Variants in PLCE1 observed in about 807,000 individuals in gnomAD.
PLCE1 encodes phospholipase C epsilon 1, also known as 1-phosphatidylinositol 4,5-bisphosphate phosphodiesterase epsilon-1.
PLCE1 carries 119 observed loss-of-function variants against 242.8 expected under a neutral mutation model. The ratio of observed to expected loss-of-function variants is 0.49; its 90% CI spans 0.42 to 0.57. The LOEUF (loss-of-function observed/expected upper bound fraction) is 0.57. Among genes scored for constraint, PLCE1 ranks in the 20% least tolerant of loss-of-function variants. PLCE1 has a pLI of 0.00. For synonymous variants in PLCE1, 945 were observed against 1,017.4 expected (o/e 0.93, Z 1.35); for missense variants, 2,441 against 2,788.8 (o/e 0.88, Z 2.81).
chr10:93,998,821 G>C (rs1043098829), intron 1 of PLCE1, among the ~76,000 whole-genome samples: 2 of 152,086 alleles, frequency 1.3e-5, no homozygotes, highest in Non-Finnish European at 2.9e-5. Context: ...GTGACAAAAG[G>C]GACTTTTACA....
Position 94,293,623 on chromosome 10 carries a change from C to A in PLCE1, c.5151C>A (p.Asn1717Lys). ...RMSPGETASFNKTSGKSSCEG... is the reference protein window; with the variant it reads ...RMSPGETASFKKTSGKSSCEG... ...GCCCAGGGGAGACAGCATCATTTAA[C>A]AAAACATCTGGAAAAAGTAAAGTCA... is the stretch of plus-strand genomic sequence containing the variant. The change falls in exon 23 of 33, where the codon AAC becomes AAA. Residue 1717 changes from asparagine (N) to lysine (K), a missense_variant. Physicochemically the swap from Asn to Lys is moderately conservative, Grantham distance 94 (BLOSUM62 0). Coordinates refer to ENST00000371380, the MANE Select transcript of PLCE1 (RefSeq NM_016341.4). The A allele has an allele frequency of 6.2e-7, 1 of 1,613,750 alleles. No individual in the cohort carries two copies.
rs574685565 is a variant in PLCE1 at position 94,249,690 on chromosome 10, A to T, written c.3097-2626A>T. ...ATAACACAGAAGACAAGAAGAAGTA[A>T]TAACATTTGTAGAGAAGCCTAGAAA... On this transcript the variant is annotated intron_variant, in intron 8 of 32. Transcript: ENST00000371380. Among the ~76,000 whole-genome samples the T allele has an allele frequency of 6.6e-5, 10 of 152,326 alleles. No homozygotes were observed. In the East Asian group the frequency reaches 1.9e-3, roughly 29 times the overall value.
intron 2 of PLCE1, among the ~76,000 whole-genome samples, chr10:94,074,207 T>C (rs970149303): frequency 6.7e-6 from 1 of 149,776 alleles, no homozygotes; most frequent in Non-Finnish European, 1.5e-5. Flanking sequence ...TTTTTTTTTT[T>C]CTTGTAGACA....
chr10:94,216,852 A>G (rs1048084869), intron 4 of PLCE1, among the ~76,000 whole-genome samples: 1 of 151,836 alleles, frequency 6.6e-6, no homozygotes, highest in African/African-American at 2.4e-5. Flanking sequence ...TTCTGGAGCT[A>G]AGCTCCGCAC....
In PLCE1 at chr10:94,283,818, T is replaced by C; in HGVS notation, c.4824T>C (p.Asn1608=). ...DDNILEDRPE[N]KSCNDKLQFE... is the part of the protein sequence containing the mutation. ...ACATTCTGGAAGACAGACCTGAAAA[T>C]AAATCATGTAATGACAAGCTTCAGT... Residue 1608 remains asparagine (N), a synonymous_variant, in exon 21 of 33, where the codon AAT becomes AAC. Transcript: ENST00000371380. The C allele has an allele frequency of 6.2e-7, 1 of 1,612,146 alleles. No individual in the cohort carries two copies. Among genetic ancestry groups the C allele is most frequent in the Non-Finnish European group, 8.5e-7 (1 of 1,178,662 alleles).
At chr10:94,291,365 G>A (rs1177915215) in intron 22 of PLCE1, among the ~76,000 whole-genome samples, 12 of 152,124 alleles carry the variant, frequency 7.9e-5, no homozygotes, top group Non-Finnish European at 1.5e-4. Context: ...CATGTCAGAT[G>A]TTCCAACATC....
intron 2 of PLCE1, among the ~76,000 whole-genome samples, chr10:94,093,934 C>CTTTTTTTTTTT (rs398046178): frequency 3.8e-5 from 3 of 79,192 alleles, no homozygotes; most frequent in African/African-American, 5.5e-5. Context: ...ATCGGTATTT[C>CTTTTTTTTTTT]TTTTTTTTTT....
intron 20 of PLCE1, 148 bp downstream of exon 20, chr10:94,280,059 G>A: frequency 1.2e-6 from 1 of 825,428 alleles, no homozygotes; most frequent in South Asian, 1.5e-5. Context: ...CAGTCACTTA[G>A]CAAGGACCGA....
intron 29 of PLCE1, among the ~76,000 whole-genome samples, chr10:94,318,568 GTTC>G (rs2053657288): frequency 6.6e-6 from 1 of 152,148 alleles, no homozygotes; most frequent in Non-Finnish European, 1.5e-5. Flanking sequence ...CCAGGTCAGT[GTTC>G]TTTCCACCAT....
intron 3 of PLCE1, among the ~76,000 whole-genome samples, chr10:94,158,400 T>A (rs1372782333): frequency 6.6e-6 from 1 of 152,202 alleles, no homozygotes; most frequent in African/African-American, 2.4e-5. Flanking sequence ...ACTCAAGTAT[T>A]CCTTTTTACC....
intron 4 of PLCE1, among the ~76,000 whole-genome samples, chr10:94,204,654 G>A (rs1192003120): frequency 6.6e-6 from 1 of 151,276 alleles, no homozygotes; most frequent in Non-Finnish European, 1.5e-5. Flanking sequence ...GTGACAGAGT[G>A]AAACTCTGTC....
At chr10:94,102,147 C>T (rs1590024709) in intron 2 of PLCE1, among the ~76,000 whole-genome samples, 1 of 152,330 alleles carries the variant, frequency 6.6e-6, no homozygotes, top group Middle Eastern at 3.4e-3. Flanking sequence ...CTGTTCTATG[C>T]CAAGCATTAG....
intron 14 of PLCE1, among the ~76,000 whole-genome samples, chr10:94,263,216 C>T (rs894036005): frequency 6.6e-5 from 10 of 151,198 alleles, no homozygotes; most frequent in African/African-American, 2.2e-4. Context: ...TGTTTTTTAA[C>T]AAAATACCAA....
intron 4 of PLCE1, among the ~76,000 whole-genome samples, chr10:94,205,458 A>T (rs1230541525): frequency 6.6e-6 from 1 of 152,262 alleles, no homozygotes; most frequent in African/African-American, 2.4e-5. Flanking sequence ...TGTGAATAAA[A>T]GAAAGTTATG....
intron 3 of PLCE1, among the ~76,000 whole-genome samples, chr10:94,170,601 G>C (rs1186315052): frequency 6.6e-6 from 1 of 152,088 alleles, no homozygotes; most frequent in Non-Finnish European, 1.5e-5. Context: ...AGATGGTTCT[G>C]TTCTTGCAAA....
In PLCE1 at chr10:94,306,531, G is replaced by A. The variant is rs2053212104; in HGVS notation, c.5727G>A (p.Lys1909=). 2.5e-6 allele frequency: 4 copies of A among 1,614,148 alleles called. No homozygotes were observed. Among genetic ancestry groups the A allele is most frequent in the Non-Finnish European group, 3.4e-6 (4 of 1,180,026 alleles). ...TGGACAGCTGCCATTTCCGCACAAA[G>A]CCCATCCATCGAAACACCCTGAACC... ...MPLDSCHFRT[K]PIHRNTLNPM... The change falls in exon 26 of 33, where the codon AAG becomes AAA. Residue 1909 remains lysine (K), a synonymous_variant. Coordinates refer to ENST00000371380, the MANE Select transcript of PLCE1 (RefSeq NM_016341.4). The surrounding 1 kb of genome is among the most constrained non-coding windows in gnomAD (Gnocchi z 5.7).
chr10:94,184,026 A>G (rs755220314), intron 4 of PLCE1, among the ~76,000 whole-genome samples: 2 of 152,172 alleles, frequency 1.3e-5, no homozygotes, highest in African/African-American at 2.4e-5. Context: ...CATAGCATAA[A>G]CTATCAGCAA....
chr10:94,291,477 C>T (rs905088579), intron 22 of PLCE1, among the ~76,000 whole-genome samples: 2 of 152,146 alleles, frequency 1.3e-5, no homozygotes, highest in Non-Finnish European at 2.9e-5. Context: ...AGAGAGGCAG[C>T]CACCAGGCTA....
At position 94,283,519 on chromosome 10, in the gene PLCE1, T is replaced by C. The variant is rs1259189429; in HGVS notation, c.4796-271T>C. On this transcript the variant is annotated intron_variant, in intron 20 of 32. Transcript: ENST00000371380. ...AAAATTGGCATCTTCATTTAGATTATGTCTATATGCCAGATTATTTTGAAT... is the reference window on the plus strand; with the variant it reads ...AAAATTGGCATCTTCATTTAGATTACGTCTATATGCCAGATTATTTTGAAT... 4 of 355,702 alleles carry C rather than the reference T, an allele frequency of 1.1e-5. 1 individual carries two copies. Among genetic ancestry groups the C allele is most frequent in the Non-Finnish European group, 2.2e-5 (4 of 183,274 alleles). 22.0% of individuals were successfully genotyped at this position (355,702 alleles called of 1,614,324 possible). A position where few individuals can be genotyped will look rare whatever the true frequency, so the allele number is the denominator to read the frequency against.
Sources: gnomAD v4.1 joint callset for allele counts (sites outside exome capture counted in the v4.1 genomes callset) on GRCh38, gnomAD v4.1.1 for gene constraint, Gnocchi (gnomAD v3.1) non-coding constraint, MANE v1.5 for transcripts, NCBI Gene and HGNC (gene_info 2026-07-23, HGNC 2026-07-21) for gene names.